Variants in LMBR1 observed in about 807,000 individuals in gnomAD.
The protein encoded by LMBR1 is limb region 1 protein homolog.
In LMBR1, 52 loss-of-function variants were observed where a neutral mutation model predicts 73.9. That is an observed-to-expected ratio of 0.70 (90% confidence interval 0.56 to 0.89). The LOEUF (loss-of-function observed/expected upper bound fraction) is 0.89. Ranked by LOEUF, LMBR1 falls within the 40% of genes least tolerant of loss-of-function variation. The probability of loss-of-function intolerance (pLI) is 0.00; values close to 1 mark genes in which losing one functional copy is unlikely to be tolerated. For synonymous variants in LMBR1, 215 were observed against 209.4 expected (o/e 1.03, Z -0.23); for missense variants, 539 against 579.8 (o/e 0.93, Z 0.72).
intron 1 of LMBR1, among the ~76,000 whole-genome samples, chr7:156,867,293 G>C (rs1798604120): frequency 6.6e-6 from 1 of 152,174 alleles, no homozygotes; most frequent in Non-Finnish European, 1.5e-5. Context: ...GAAGAAATTA[G>C]AATTCTCAAA....
intron 9 of LMBR1, chr7:156,747,954 A>C (rs1276345390): frequency 2.6e-5 from 4 of 152,240 alleles, no homozygotes; most frequent in African/African-American, 9.6e-5. Flanking sequence ...CTGATTAGGC[A>C]AACTCCAGAA....
At chr7:156,702,705 A>G (rs1222207840) in intron 15 of LMBR1, among the ~76,000 whole-genome samples, 1 of 152,248 alleles carries the variant, frequency 6.6e-6, no homozygotes, top group Non-Finnish European at 1.5e-5. Context: ...GTTTTTTAAA[A>G]AAGAAAACTA....
At chr7:156,719,250 C>T (rs192111535) in intron 15 of LMBR1, among the ~76,000 whole-genome samples, 71 of 150,360 alleles carry the variant, frequency 4.7e-4, no homozygotes, top group African/African-American at 1.6e-3. Flanking sequence ...TTTGTCCCTG[C>T]GATAGTTTAC....
chr7:156,848,316 G>A (rs1419025473), intron 1 of LMBR1, among the ~76,000 whole-genome samples: 1 of 152,096 alleles, frequency 6.6e-6, no homozygotes, highest in Admixed American at 6.5e-5. Flanking sequence ...GAAAACATTT[G>A]CAAACTATGC....
chr7:156,857,449 C>T (rs752431262), intron 1 of LMBR1, among the ~76,000 whole-genome samples: 21 of 152,100 alleles, frequency 1.4e-4, no homozygotes, highest in Admixed American at 1.3e-4. Context: ...TGTCAAAATA[C>T]GTGAGGTGAA....
chr7:156,765,829 T>C (rs1823974716), intron 5 of LMBR1, among the ~76,000 whole-genome samples: 1 of 152,138 alleles, frequency 6.6e-6, no homozygotes, highest in South Asian at 2.1e-4. Flanking sequence ...AAATAACACA[T>C]GCATTATACC....
At chr7:156,765,421 G>GT (rs1468550650) in intron 5 of LMBR1, among the ~76,000 whole-genome samples, 1 of 152,274 alleles carries the variant, frequency 6.6e-6, no homozygotes, top group East Asian at 1.9e-4. Context: ...TGCCATGATT[G>GT]TAAGTTTCCT....
chr7:156,762,224 C>T (rs1823188468), intron 7 of LMBR1, 26 bp from the exon 8 acceptor site: 1 of 1,476,906 alleles, frequency 6.8e-7, no homozygotes, highest in Non-Finnish European at 9.5e-7. Context: ...CACCAAAAGA[C>T]AGAAAGCGAC....
chr7:156,691,146 C>T (rs150404811), intron 15 of LMBR1, among the ~76,000 whole-genome samples: 2 of 152,278 alleles, frequency 1.3e-5, no homozygotes, highest in African/African-American at 2.4e-5. Context: ...TAAAATACTA[C>T]TATTAGAAAG....
At chr7:156,794,852 G>A (rs1349789613) in intron 5 of LMBR1, among the ~76,000 whole-genome samples, 1 of 152,096 alleles carries the variant, frequency 6.6e-6, no homozygotes, top group East Asian at 1.9e-4. Context: ...ACTGTGTGGG[G>A]CATGTACTCC....
chr7:156,810,294 C>T (rs1041721988), intron 4 of LMBR1, among the ~76,000 whole-genome samples: 4 of 152,108 alleles, frequency 2.6e-5, no homozygotes, highest in African/African-American at 9.7e-5. Flanking sequence ...AAAGAACTCA[C>T]TCACCCACCT....
chr7:156,758,427 T>A (rs924818126), intron 8 of LMBR1, among the ~76,000 whole-genome samples: 1 of 152,236 alleles, frequency 6.6e-6, no homozygotes, highest in Non-Finnish European at 1.5e-5. Flanking sequence ...GTAGTTTGGA[T>A]ATTTGTCCCT....
chr7:156,886,749 T>C (rs1801973151), intron 1 of LMBR1, among the ~76,000 whole-genome samples: 1 of 152,234 alleles, frequency 6.6e-6, no homozygotes, highest in South Asian at 2.1e-4. Flanking sequence ...CAGTTTATTC[T>C]TTAAGGGGAT....
intron 1 of LMBR1, among the ~76,000 whole-genome samples, chr7:156,853,362 T>C (rs1295657927): frequency 2.0e-5 from 3 of 152,078 alleles, no homozygotes; most frequent in Admixed American, 1.3e-4. Context: ...TAAAGAAATA[T>C]TAGCCAGATT....
intron 4 of LMBR1, among the ~76,000 whole-genome samples, chr7:156,806,015 G>C (rs1263255856): frequency 1.3e-5 from 2 of 152,090 alleles, no homozygotes; most frequent in Non-Finnish European, 2.9e-5. Context: ...CCCTGATATG[G>C]GACTTTCAGC....
intron 4 of LMBR1, among the ~76,000 whole-genome samples, chr7:156,811,237 A>AT (rs1238861134): frequency 2.4e-5 from 3 of 125,170 alleles, no homozygotes; most frequent in South Asian, 4.7e-4. Context: ...CATCTCTAGA[A>AT]TTTTGTTTTT....
At chr7:156,814,922 C>T (rs1833661221) in intron 4 of LMBR1, among the ~76,000 whole-genome samples, 1 of 151,414 alleles carries the variant, frequency 6.6e-6, no homozygotes, top group Non-Finnish European at 1.5e-5. Context: ...TTTAGGAGGC[C>T]AAGGCAGGCA....
chr7:156,880,537 A>C lies in LMBR1; in HGVS notation c.66+12391T>G, dbSNP rs755215608. 4.6e-5 allele frequency among the ~76,000 whole-genome samples: 7 copies of C among 152,212 alleles called. 1 individual carries two copies. Among genetic ancestry groups the C allele is most frequent in the Admixed American group, 1.3e-4 (2 of 15,276 alleles). On this transcript the variant is annotated intron_variant, in intron 1 of 16. Coordinates refer to ENST00000353442, the MANE Select transcript of LMBR1 (RefSeq NM_022458.4). The stretch of plus-strand genomic sequence containing the variant: ...AAATAAAAAAAAAAGAAATTAAAGA[A>C]GGCACAGACAAAGGGAAAGACACCC...
chr7:156,842,201 A>G (rs574147893), intron 1 of LMBR1, among the ~76,000 whole-genome samples: 1 of 150,810 alleles, frequency 6.6e-6, no homozygotes, highest in African/African-American at 2.4e-5. Flanking sequence ...AAGGAATCAG[A>G]GAGACCGATG....
Sources: allele counts gnomAD v4.1 joint callset (sites outside exome capture counted in the v4.1 genomes callset), GRCh38; gene constraint gnomAD v4.1.1; transcripts MANE v1.5; gene names NCBI Gene and HGNC (gene_info 2026-07-23, HGNC 2026-07-21).